PLEKHG6: variants seen among roughly 807,000 people sequenced by gnomAD.
PLEKHG6 encodes the protein pleckstrin homology and RhoGEF domain containing G6, also known as pleckstrin homology domain-containing family G member 6.
Under a neutral mutation model 97.5 loss-of-function variants are expected in PLEKHG6, and 91 were observed. That is an observed-to-expected ratio of 0.93 (90% CI 0.79 to 1.11). The LOEUF is 1.11. Among genes scored for constraint, PLEKHG6 ranks in the 50% most tolerant of loss-of-function variants. The pLI, the probability that PLEKHG6 is intolerant of heterozygous loss-of-function variation, is 0.00. For synonymous variants in PLEKHG6, 466 were observed against 425.5 expected (o/e 1.10, Z -1.17); for missense variants, 1,044 against 1,031.0 (o/e 1.01, Z -0.17).
At chr12:6,324,923 G>A (rs577585771) in intron 13 of PLEKHG6, among the ~76,000 whole-genome samples, 1 of 152,322 alleles carries the variant, frequency 6.6e-6, no homozygotes, top group Admixed American at 6.5e-5. Context: ...AAGGAGCGCT[G>A]CACTAGAGGT....
At chr12:6,312,121 T>G in intron 1 of PLEKHG6, 38 bp from the exon 2 acceptor site, 2 of 1,005,002 alleles carry the variant, frequency 2.0e-6, no homozygotes, top group East Asian at 2.9e-5. Flanking sequence ...ATTCACTGAT[T>G]GGGGATGGCC....
rs201572501 is a variant in PLEKHG6 at position 6,314,986 on chromosome 12, C to A, written c.295-19C>A. 1.2e-6 allele frequency: 2 copies of A among 1,609,968 alleles called. No individual in the cohort carries two copies. Among genetic ancestry groups the A allele is most frequent in the Non-Finnish European group, 1.7e-6 (2 of 1,177,894 alleles). ...GCCAAGGATGTGACCAGAGCTGATG[C>A]CCTTCTCGGCTCCCCCAGGAACTCA... On this transcript the variant is annotated intron_variant, in intron 3 of 15. Coordinates refer to ENST00000684764, the MANE Select transcript of PLEKHG6 (RefSeq NM_001384598.1).
intron 1 of PLEKHG6, 141 bp from the exon 2 acceptor site, chr12:6,312,018 C>T (rs979849474): frequency 4.3e-6 from 2 of 468,658 alleles, no homozygotes; most frequent in Non-Finnish European, 7.4e-6. Flanking sequence ...AGCCATGTTC[C>T]CCCCAACAAG....
chr12:6,312,657 C>T (rs1367009236), intron 2 of PLEKHG6: 13 of 1,227,176 alleles, frequency 1.1e-5, no homozygotes, highest in Middle Eastern at 3.2e-4. Context: ...GGTCATCAAA[C>T]CCCAGAGCTG....
At position 6,312,289 on chromosome 12, in the gene PLEKHG6, G is replaced by C; in HGVS notation, c.63G>C (p.Glu21Asp). The change falls in exon 2 of 16, where the codon GAG becomes GAC. Residue 21 changes from glutamate to aspartate, a missense_variant. Physicochemically the swap from Glu to Asp is conservative, Grantham distance 45 (BLOSUM62 2). Coordinates refer to ENST00000684764, the MANE Select transcript of PLEKHG6 (RefSeq NM_001384598.1). Reference protein sequence around the residue: ...PLQGLVASRIETYGGRHRASA... With the variant: ...PLQGLVASRIDTYGGRHRASA... ...AAGGACTCGTGGCCTCCCGCATTGA[G>C]ACTTATGGGGGCCGGCATCGAGCCT... 6.4e-7 allele frequency: 1 copy of C among 1,563,264 alleles called. No homozygotes were observed. The highest frequency in any genetic ancestry group is 8.6e-7 in the Non-Finnish European group (1 of 1,161,000).
In PLEKHG6 at chr12:6,315,269, T is replaced by A; in HGVS notation, c.459+100T>A. 1 of 1,197,826 alleles carries A rather than the reference T, an allele frequency of 8.3e-7. No homozygotes were observed. Among genetic ancestry groups the A allele is most frequent in the South Asian group, 1.5e-5 (1 of 65,006 alleles). 74.2% of individuals were successfully genotyped at this position (1,197,826 alleles called of 1,614,324 possible). On this transcript the variant is annotated intron_variant, in intron 4 of 15. Coordinates refer to ENST00000684764, the MANE Select transcript of PLEKHG6 (RefSeq NM_001384598.1). The surrounding 1 kb of genome is among the most constrained non-coding windows in gnomAD (Gnocchi z 4.5). ...AAAGGCCTTGGGAAGTGGGGTCATG[T>A]GGAAAAAACATCTGGAAACGCGTTG...
intron 13 of PLEKHG6, among the ~76,000 whole-genome samples, chr12:6,324,301 C>CCG (rs1271043556): frequency 6.7e-6 from 1 of 148,858 alleles, no homozygotes; most frequent in East Asian, 2.0e-4. Flanking sequence ...CTCCCCCCCC[C>CCG]GCCGCCTCCT....
intron 3 of PLEKHG6, among the ~76,000 whole-genome samples, chr12:6,314,056 C>G (rs568922145): frequency 1.3e-5 from 2 of 152,320 alleles, no homozygotes; most frequent in African/African-American, 4.8e-5. Context: ...GTCAAATTAC[C>G]AAGTTGCTGA....
chr12:6,322,868 GAGACC>G (rs1486721258), intron 13 of PLEKHG6, among the ~76,000 whole-genome samples: 5 of 151,826 alleles, frequency 3.3e-5, no homozygotes, highest in African/African-American at 9.7e-5. Context: ...ACAACAGGGT[GAGACC>G]TTGTCTAAAA....
At chr12:6,326,683 C>A (rs545297017) in intron 14 of PLEKHG6, 110 bp downstream of exon 14, 4 of 1,085,694 alleles carry the variant, frequency 3.7e-6, no homozygotes, top group East Asian at 6.0e-5. Flanking sequence ...GATAGAGGAA[C>A]GCAGGCGTAG....
chr12:6,326,643 T>C, intron 14 of PLEKHG6, 70 bp downstream of exon 14: 1 of 1,331,122 alleles, frequency 7.5e-7, no homozygotes, highest in Non-Finnish European at 9.9e-7. Flanking sequence ...GAAATGGCAT[T>C]ACTGCACATT....
chr12:6,311,707 G>A (rs1947273341), intron 1 of PLEKHG6, among the ~76,000 whole-genome samples: 1 of 152,068 alleles, frequency 6.6e-6, no homozygotes, highest in East Asian at 1.9e-4. Context: ...TGGCAGACTG[G>A]GCTGTCTCCA....
intron 13 of PLEKHG6, among the ~76,000 whole-genome samples, chr12:6,325,028 A>G (rs529078440): frequency 1.3e-5 from 2 of 152,294 alleles, no homozygotes; most frequent in South Asian, 4.1e-4. Context: ...CCTTACCAGC[A>G]TGGAAGACTT....
chr12:6,318,040 G>A, intron 10 of PLEKHG6, 46 bp downstream of exon 10: 1 of 1,540,654 alleles, frequency 6.5e-7, no homozygotes, highest in South Asian at 1.2e-5. Context: ...AGGTCCCAGG[G>A]ATACTGGTGA....
chr12:6,312,057 C>T lies in PLEKHG6; in HGVS notation c.-68-102C>T, dbSNP rs1036702875. 7.7e-6 allele frequency: 4 copies of T among 520,378 alleles called. No individual in the cohort carries two copies. In the South Asian group the frequency reaches 1.0e-4, roughly 13 times the overall value. 32.2% of individuals were successfully genotyped at this position (520,378 alleles called of 1,614,324 possible). On this transcript the variant is annotated intron_variant, in intron 1 of 15. Transcript: ENST00000684764. ...CCAAGCCCTTGGCCCTCTCCTCCCC[C>T]ACTATACCCTCCCTCCCAGGCCCCC...
chr12:6,313,242 C>T (rs368000480), intron 2 of PLEKHG6: 41 of 1,482,560 alleles, frequency 2.8e-5, no homozygotes, highest in Middle Eastern at 3.6e-4. Context: ...AGGAGAGTTA[C>T]GAGAGACCAG....
rs1256781676 is a variant in PLEKHG6, at chr12:6,315,222, C to T, written c.459+53C>T. The T allele has an allele frequency of 6.5e-6, 10 of 1,538,226 alleles. No individual in the cohort carries two copies. The highest frequency in any genetic ancestry group is 1.7e-4 in the Middle Eastern group (1 of 5,804). ...TGTCCCCACGGCGTGAATGCACACA[C>T]AGATTCTGCTCTAGAGGAGGGAAAG... On this transcript the variant is annotated intron_variant, in intron 4 of 15. Coordinates refer to ENST00000684764, the MANE Select transcript of PLEKHG6 (RefSeq NM_001384598.1). This position sits in a 1 kb window ranked among gnomAD's most constrained non-coding sequence, Gnocchi z 4.5.
chr12:6,315,215 GCA>G lies in PLEKHG6; in HGVS notation c.459+53_459+54del. ...GTGAGTCTGTCCCCACGGCGTGAAT[GCA>G]CACACAGATTCTGCTCTAGAGGAGG... On this transcript the variant is annotated intron_variant, in intron 4 of 15. Transcript: ENST00000684764. The surrounding 1 kb of genome is among the most constrained non-coding windows in gnomAD (Gnocchi z 4.5). 6.4e-7 allele frequency: 1 copy of G among 1,561,974 alleles called. No individual in the cohort carries two copies. The highest frequency in any genetic ancestry group is 8.7e-7 in the Non-Finnish European group (1 of 1,148,460).
chr12:6,328,004 G>A, intron 15 of PLEKHG6, 58 bp downstream of exon 15: 1 of 1,512,032 alleles, frequency 6.6e-7, no homozygotes, highest in Non-Finnish European at 8.9e-7. Context: ...CTGTATGGTG[G>A]TGGGGTGTAG....
Sources: allele counts gnomAD v4.1 joint callset (sites outside exome capture counted in the v4.1 genomes callset), GRCh38; gene constraint gnomAD v4.1.1; non-coding constraint Gnocchi (gnomAD v3.1); transcripts MANE v1.5; gene names NCBI Gene and HGNC (gene_info 2026-07-23, HGNC 2026-07-21).